The following MACF1 variants were observed in gnomAD, a reference collection of about 807,000 sequenced individuals.
MACF1 encodes microtubule actin crosslinking factor 1.
In MACF1, 193 loss-of-function variants were observed where a neutral mutation model predicts 854.8. The ratio of observed to expected loss-of-function variants is 0.23; its 90% CI spans 0.20 to 0.25. MACF1 has a LOEUF of 0.25. MACF1 is among the 10% of genes least tolerant of loss of function. The pLI is 1.00. For missense variants in MACF1, 7,722 were observed against 8,929.1 expected (o/e 0.86, Z 5.45); for synonymous variants, 3,185 against 3,226.7 (o/e 0.99, Z 0.44).
intron 58 of MACF1, among the ~76,000 whole-genome samples, chr1:39,418,468 C>T (rs535589875): frequency 5.9e-5 from 9 of 152,302 alleles, no homozygotes; most frequent in Middle Eastern, 3.4e-3. Context: ...GGACTGACGT[C>T]GTTCTCTCAC....
rs1644270551 is a variant in MACF1 at position 39,448,453 on chromosome 1, G to A, written c.20089-141G>A. 1.3e-5 allele frequency: 9 copies of A among 685,666 alleles called. No homozygotes were observed. The Admixed American group carries it at 2.4e-4, about 18-fold the overall frequency. The allele number at this position is 685,666 out of a possible 1,614,324, so 42.5% of individuals were successfully genotyped here. ...AAAATTATAAATTTCTTAAGGATAAGCTATGGTTAATTTTAGTTCAAAAAA... is the reference window on the plus strand; with the variant it reads ...AAAATTATAAATTTCTTAAGGATAAACTATGGTTAATTTTAGTTCAAAAAA... On this transcript the variant is annotated intron_variant, in intron 83 of 100. Transcript: ENST00000564288.
chr1:39,411,589 C>T (rs1643009292), intron 58 of MACF1: 8 of 1,613,830 alleles, frequency 5.0e-6, no homozygotes, highest in Non-Finnish European at 6.8e-6. Flanking sequence ...GTTAGAGGGA[C>T]TTGTTTCAGA....
intron 58 of MACF1, chr1:39,414,520 G>A (rs780803485): frequency 6.2e-7 from 1 of 1,610,144 alleles, no homozygotes; most frequent in Non-Finnish European, 8.5e-7. Context: ...AAAGAGTAAA[G>A]TGAGATTTGC....
At chr1:39,161,647 A>G (rs1415410393) in intron 2 of MACF1, among the ~76,000 whole-genome samples, 1 of 152,076 alleles carries the variant, frequency 6.6e-6, no homozygotes, top group Non-Finnish European at 1.5e-5. Context: ...CGGGCGGATC[A>G]CAACGTCAGG....
chr1:39,445,063 G>C lies in MACF1; in HGVS notation c.19605+228G>C, dbSNP rs112528958. Among the ~76,000 whole-genome samples, 3 of 152,038 alleles carry C rather than the reference G, an allele frequency of 2.0e-5. No homozygotes were observed. The East Asian group carries it at 5.8e-4, about 29-fold the overall frequency. ...AAGACATTACTGCCATTATCGCTTC[G>C]TGATGGGCTTTATGTCCTATATTAA... On this transcript the variant is annotated intron_variant, in intron 80 of 100. Transcript: ENST00000564288.
chr1:39,451,235 T>A, intron 85 of MACF1, 24 bp downstream of exon 85: 1 of 1,607,708 alleles, frequency 6.2e-7, no homozygotes, highest in Non-Finnish European at 8.5e-7. Flanking sequence ...CTGGGCTACA[T>A]TGGAGTGCAG....
chr1:39,220,947 C>A (rs933870956), intron 1 of MACF1, among the ~76,000 whole-genome samples: 2 of 152,128 alleles, frequency 1.3e-5, no homozygotes, highest in East Asian at 3.9e-4. Flanking sequence ...AGGTGGCTGA[C>A]ATGTCCGGAA....
At chr1:39,147,168 CCCT>C (rs1643485089) in intron 2 of MACF1, among the ~76,000 whole-genome samples, 1 of 149,080 alleles carries the variant, frequency 6.7e-6, no homozygotes, top group African/African-American at 2.5e-5. Context: ...TTCCCCTTTC[CCCT>C]CCTTTCTTCT....
In MACF1 at chr1:39,370,072, C is replaced by G. The variant is rs1308803249; in HGVS notation, c.12981C>G (p.Phe4327Leu). Residue 4327 changes from phenylalanine (F) to leucine (L), a missense_variant, in exon 51 of 101, where the codon TTC (phenylalanine) becomes TTG (leucine). This residue lies in a region of MACF1 where 2,807 missense variants were observed against 3,235.8 expected (regional missense o/e 0.87). Transcript: ENST00000564288. The part of the protein sequence containing the change: ...ASSCQEQLDE[F>L]RKLVRTFQKW... Reference sequence around the variant, plus strand: ...CTTGCCAGGAACAGTTGGATGAATTCCGGAAGCTGGTCAGGACCTTCCAGA... The same window carrying G: ...CTTGCCAGGAACAGTTGGATGAATTGCGGAAGCTGGTCAGGACCTTCCAGA... 1 of 1,613,792 alleles carries G rather than the reference C, an allele frequency of 6.2e-7. No homozygotes were observed. Among genetic ancestry groups the G allele is most frequent in the African/African-American group, 1.3e-5 (1 of 75,020 alleles).
In MACF1 at chr1:39,336,222, CA is replaced by C. The variant is rs769657473; in HGVS notation, c.9635del (p.His3212LeufsTer18). Reference protein sequence around the residue: ...LEFSDRKDLHHQGSKSDDKLC... With the variant: ...LEFSDRKDLHXQGSKSDDKLC... ...ATTCTCAGACAGAAAAGACCTTCAT[CA>C]TCAGGGCAGCAAAAGTGATGATAAA... On this transcript the variant is annotated frameshift_variant, in exon 37 of 101. Transcript: ENST00000564288. LOFTEE classifies it high-confidence loss of function. 3.1e-6 allele frequency: 5 copies of C among 1,614,074 alleles called. No individual in the cohort carries two copies. Among genetic ancestry groups the C allele is most frequent in the Non-Finnish European group, 4.2e-6 (5 of 1,180,012 alleles).
chr1:39,334,289 C>G lies in MACF1; in HGVS notation c.7701C>G (p.Thr2567=), dbSNP rs769939121. Residue 2567 remains threonine, a synonymous_variant, in exon 37 of 101, where the codon ACC becomes ACG. Transcript: ENST00000564288. ...LPKAIKLDLI[T]SDLKREIQEV... is the part of the protein sequence containing the mutation. ...AAGCCATAAAATTAGATCTTATTACCTCAGACCTGAAAAGAGAAATCCAGG... is the reference window on the plus strand; with the variant it reads ...AAGCCATAAAATTAGATCTTATTACGTCAGACCTGAAAAGAGAAATCCAGG... The G allele has an allele frequency of 1.9e-6, 3 of 1,613,794 alleles. No homozygotes were observed. In the African/African-American group the frequency reaches 4.0e-5, roughly 22 times the overall value.
chr1:39,396,678 A>G (rs935996123), intron 58 of MACF1, among the ~76,000 whole-genome samples: 10 of 152,206 alleles, frequency 6.6e-5, no homozygotes, highest in African/African-American at 1.9e-4. Flanking sequence ...CAAGCTCGCT[A>G]ATAAGCTATG....
At chr1:39,102,594 T>C (rs895059498) in intron 2 of MACF1, 7 of 604,450 alleles carry the variant, frequency 1.2e-5, no homozygotes, top group South Asian at 2.0e-5. Flanking sequence ...CTGAAAGAAA[T>C]AGAAAGTGGC....
chr1:39,339,652 A>G (rs1349458750), intron 38 of MACF1, among the ~76,000 whole-genome samples: 1 of 152,204 alleles, frequency 6.6e-6, no homozygotes, highest in African/African-American at 2.4e-5. Flanking sequence ...ATTGAAAGGA[A>G]TGTTTTGAAT....
At chr1:39,406,860 A>G (rs951246104) in intron 58 of MACF1, among the ~76,000 whole-genome samples, 3 of 151,992 alleles carry the variant, frequency 2.0e-5, no homozygotes, top group African/African-American at 4.8e-5. Context: ...GTCTGTTATG[A>G]TATCTGAACA....
At chr1:39,484,837 A>G in intron 100 of MACF1, 107 bp downstream of exon 100, 3 of 1,295,470 alleles carry the variant, frequency 2.3e-6, no homozygotes, top group Non-Finnish European at 3.4e-6. Flanking sequence ...AGTGGCACTT[A>G]GTGTGATGCC....
intron 49 of MACF1, among the ~76,000 whole-genome samples, chr1:39,361,932 A>G (rs1196012140): frequency 6.6e-6 from 1 of 152,202 alleles, no homozygotes; most frequent in Non-Finnish European, 1.5e-5. Context: ...ATAGTCACTC[A>G]AGGGATGCAG....
intron 58 of MACF1, among the ~76,000 whole-genome samples, chr1:39,391,918 C>G (rs990765210): frequency 6.6e-6 from 1 of 152,168 alleles, no homozygotes; most frequent in Non-Finnish European, 1.5e-5. Flanking sequence ...TGGGCTCTTG[C>G]AGAGTGTGTT....
At chr1:39,241,819 A>G (rs963261753) in intron 2 of MACF1, among the ~76,000 whole-genome samples, 1 of 152,112 alleles carries the variant, frequency 6.6e-6, no homozygotes, top group Admixed American at 6.6e-5. Context: ...TCAGGAGACA[A>G]TGATCTGGAC....
Sources: allele counts gnomAD v4.1 joint callset (sites outside exome capture counted in the v4.1 genomes callset), GRCh38; gene constraint gnomAD v4.1.1; regional missense constraint gnomAD v4.1.1; transcripts MANE v1.5; gene names NCBI Gene and HGNC (gene_info 2026-07-23, HGNC 2026-07-21).